The following PTPRD variants were observed in gnomAD, a reference collection of about 807,000 sequenced individuals.
PTPRD encodes protein tyrosine phosphatase receptor type D.
Under a neutral mutation model 214.5 loss-of-function variants are expected in PTPRD, and 34 were observed. The observed-to-expected ratio is 0.16, with a 90% CI of 0.12 to 0.21. The LOEUF is 0.21. PTPRD is among the 10% of genes least tolerant of loss of function. The probability of loss-of-function intolerance (pLI) is 1.00; values close to 1 mark genes in which losing one functional copy is unlikely to be tolerated. For missense variants in PTPRD, 2,545 were observed against 2,398.7 expected (o/e 1.06, Z -1.27); for synonymous variants, 1,128 against 845.7 (o/e 1.33, Z -5.79).
intron 8 of PTPRD, among the ~76,000 whole-genome samples, chr9:9,452,131 T>C (rs2092316287): frequency 1.3e-5 from 2 of 151,518 alleles, no homozygotes; most frequent in East Asian, 1.9e-4. Flanking sequence ...AAAAGCTGAA[T>C]GCCAAAAACA....
chr9:9,169,879 A>G (rs1174078549), intron 10 of PTPRD, among the ~76,000 whole-genome samples: 1 of 152,176 alleles, frequency 6.6e-6, no homozygotes, highest in Non-Finnish European at 1.5e-5. Flanking sequence ...ATGATGTTTC[A>G]TTACAAATAC....
intron 3 of PTPRD, among the ~76,000 whole-genome samples, chr9:10,191,661 G>T (rs1361274166): frequency 6.6e-6 from 1 of 152,054 alleles, no homozygotes; most frequent in Non-Finnish European, 1.5e-5. Context: ...AAATATACTT[G>T]ATCAGAGGGT....
At chr9:9,556,872 G>C (rs1311858826) in intron 8 of PTPRD, among the ~76,000 whole-genome samples, 1 of 152,010 alleles carries the variant, frequency 6.6e-6, no homozygotes, top group Non-Finnish European at 1.5e-5. Flanking sequence ...AAAGAACAAA[G>C]GATTAGAAAC....
chr9:8,590,672 G>A (rs920343833), intron 14 of PTPRD, among the ~76,000 whole-genome samples: 3 of 152,104 alleles, frequency 2.0e-5, no homozygotes, highest in Admixed American at 6.6e-5. Flanking sequence ...TTCTTAAAAT[G>A]TTTCTTTGGT....
chr9:10,122,606 T>A (rs1034950145), intron 3 of PTPRD, among the ~76,000 whole-genome samples: 1 of 152,186 alleles, frequency 6.6e-6, no homozygotes, highest in East Asian at 1.9e-4. Context: ...CAATAAAAAC[T>A]TGATTATCAT....
intron 2 of PTPRD, among the ~76,000 whole-genome samples, chr9:10,442,124 G>T (rs761467350): frequency 6.6e-6 from 1 of 151,608 alleles, no homozygotes; most frequent in Non-Finnish European, 1.5e-5. Flanking sequence ...AAATACATTT[G>T]ATTTGAGCTT....
At chr9:8,467,518 A>G (rs2096567413) in intron 31 of PTPRD, among the ~76,000 whole-genome samples, 1 of 151,902 alleles carries the variant, frequency 6.6e-6, no homozygotes, top group Non-Finnish European at 1.5e-5. Context: ...TAAATGAGGA[A>G]ACTGAGGCAC....
chr9:10,066,159 A>T (rs1291379237), intron 3 of PTPRD, among the ~76,000 whole-genome samples: 2 of 151,650 alleles, frequency 1.3e-5, no homozygotes, highest in East Asian at 3.9e-4. Flanking sequence ...TTTTATTTTT[A>T]AGGCAACAAT....
intron 2 of PTPRD, among the ~76,000 whole-genome samples, chr9:10,598,674 A>ATGTGTGTG (rs36093644): frequency 1.5e-4 from 22 of 143,886 alleles, no homozygotes; most frequent in East Asian, 4.2e-4. Flanking sequence ...TTATATATGT[A>ATGTGTGTG]TGTGTGTGTG....
chr9:10,155,878 T>A (rs1027792839), intron 3 of PTPRD, among the ~76,000 whole-genome samples: 18 of 152,238 alleles, frequency 1.2e-4, no homozygotes, highest in African/African-American at 4.3e-4. Context: ...TGTATCAATG[T>A]TCATCAAGGA....
At chr9:8,359,202 G>T (rs1414409971) in intron 39 of PTPRD, among the ~76,000 whole-genome samples, 1 of 148,900 alleles carries the variant, frequency 6.7e-6, no homozygotes, top group Non-Finnish European at 1.5e-5. Flanking sequence ...GGTTCTCAAA[G>T]TGCGGCCCCA....
intron 7 of PTPRD, among the ~76,000 whole-genome samples, chr9:9,628,160 T>C (rs1164853064): frequency 6.6e-6 from 1 of 152,202 alleles, no homozygotes; most frequent in Non-Finnish European, 1.5e-5. Flanking sequence ...AAATGTAGGC[T>C]TTAGCTGACA....
intron 9 of PTPRD, among the ~76,000 whole-genome samples, chr9:9,204,322 T>C (rs1047647647): frequency 1.3e-5 from 2 of 152,184 alleles, no homozygotes; most frequent in Non-Finnish European, 2.9e-5. Flanking sequence ...TCTCTTTATA[T>C]AAAGTTACTA....
intron 4 of PTPRD, among the ~76,000 whole-genome samples, chr9:9,955,589 T>C (rs565573767): frequency 4.0e-5 from 6 of 151,376 alleles, no homozygotes; most frequent in African/African-American, 7.3e-5. Flanking sequence ...AGTGGCACGA[T>C]CTTGGCTAAC....
intron 7 of PTPRD, among the ~76,000 whole-genome samples, chr9:9,704,082 G>GT: frequency 1.8e-5 from 1 of 54,834 alleles, no homozygotes; most frequent in Middle Eastern, 0.019. Context: ...TGAAATTTCT[G>GT]TAAGACCCTG....
chr9:8,566,098 A>ATGTGTGTGTGTGTGTGTGTGTGTGTG (rs1491211691), intron 14 of PTPRD, among the ~76,000 whole-genome samples: 1 of 46,154 alleles, frequency 2.2e-5, no homozygotes, highest in African/African-American at 7.5e-5. Context: ...TGAATGCAAA[A>ATGTGTGTGTGTGTGTGTGTGTGTGTG]TATGTGTGTG....
At chr9:8,414,670 C>T (rs1012486887) in intron 35 of PTPRD, among the ~76,000 whole-genome samples, 1 of 151,806 alleles carries the variant, frequency 6.6e-6, no homozygotes, top group African/African-American at 2.4e-5. Flanking sequence ...CCTACTGTCC[C>T]AGCGTAGTTA....
chr9:9,742,189 CATAA>C (rs775467695), intron 6 of PTPRD, among the ~76,000 whole-genome samples: 1 of 152,098 alleles, frequency 6.6e-6, no homozygotes, highest in Non-Finnish European at 1.5e-5. Context: ...TTGTTGGCTG[CATAA>C]ATGTCTTCTT....
At chr9:8,704,866 T>C (rs1291320333) in intron 12 of PTPRD, among the ~76,000 whole-genome samples, 1 of 151,894 alleles carries the variant, frequency 6.6e-6, no homozygotes, top group Non-Finnish European at 1.5e-5. Context: ...GAGGTTGCAG[T>C]GAGCCAAGAT....
Sources: gnomAD v4.1 joint callset for allele counts (sites outside exome capture counted in the v4.1 genomes callset) on GRCh38, gnomAD v4.1.1 for gene constraint, MANE v1.5 for transcripts, NCBI Gene and HGNC (gene_info 2026-07-23, HGNC 2026-07-21) for gene names.